Variants in ACOT11 observed in about 807,000 individuals in gnomAD.
ACOT11 encodes the protein acyl-CoA thioesterase 11.
In ACOT11, 69 loss-of-function variants were observed where a neutral mutation model predicts 77.5. The observed-to-expected ratio is 0.89, with a 90% confidence interval of 0.73 to 1.09. The LOEUF (loss-of-function observed/expected upper bound fraction) is 1.09. Among genes scored for constraint, ACOT11 ranks in the 50% least tolerant of loss-of-function variants. The pLI is 0.00. For missense variants in ACOT11, 766 were observed against 813.7 expected (o/e 0.94, Z 0.71); for synonymous variants, 279 against 313.0 (o/e 0.89, Z 1.15).
At chr1:54,612,647 G>A, downstream of ACOT11, 2 of 1,614,132 alleles carry the variant, frequency 1.2e-6, no homozygotes, top group Middle Eastern at 3.3e-4. Context: ...TGGACATGTA[G>A]AAGGTGGTCC....
At chr1:54,623,582 C>A in intron 15 of ACOT11, 1 of 580,836 alleles carries the variant, frequency 1.7e-6, no homozygotes, top group South Asian at 2.1e-5. Flanking sequence ...TCCCTCCCCG[C>A]CCCAATCCTC....
chr1:54,559,433 G>T (rs910975724), intron 1 of ACOT11, among the ~76,000 whole-genome samples: 1 of 152,208 alleles, frequency 6.6e-6, no homozygotes, highest in African/African-American at 2.4e-5. Flanking sequence ...TGACGAAAAG[G>T]GTGCTGCCTT....
intron 16 of ACOT11, among the ~76,000 whole-genome samples, chr1:54,632,060 G>C (rs1390675991): frequency 6.6e-6 from 1 of 152,154 alleles, no homozygotes; most frequent in Non-Finnish European, 1.5e-5. Flanking sequence ...AAAAAAGAAT[G>C]TAGAAAAAAT....
chr1:54,558,965 G>A (rs929980635), intron 1 of ACOT11, among the ~76,000 whole-genome samples: 5 of 152,264 alleles, frequency 3.3e-5, no homozygotes, highest in African/African-American at 1.2e-4. Context: ...CCCCTTCTTT[G>A]TATGGCCAGC....
intron 3 of ACOT11, among the ~76,000 whole-genome samples, chr1:54,586,732 C>CCTTTT (rs564509980): frequency 3.3e-5 from 5 of 152,116 alleles, no homozygotes; most frequent in Admixed American, 6.5e-5. Context: ...CCACACCTGG[C>CCTTTT]CTTTTCTTTT....
At chr1:54,620,287 C>T (rs1644217325) in intron 15 of ACOT11, among the ~76,000 whole-genome samples, 1 of 152,216 alleles carries the variant, frequency 6.6e-6, no homozygotes, top group Admixed American at 6.5e-5. Flanking sequence ...GTGTAAATTT[C>T]ACAGACAAGG....
At chr1:54,582,431 C>T (rs1654343109) in intron 1 of ACOT11, 1 of 985,242 alleles carries the variant, frequency 1.0e-6, no homozygotes, top group African/African-American at 1.7e-5. Flanking sequence ...CTATCTTTGC[C>T]CAGGGCCCCG....
chr1:54,615,458 G>A (rs1035053433), intron 15 of ACOT11, among the ~76,000 whole-genome samples: 5 of 152,142 alleles, frequency 3.3e-5, no homozygotes, highest in African/African-American at 9.7e-5. Context: ...CTTCAGGTGC[G>A]TGTGTGTGGT....
At position 54,609,213 on chromosome 1, in the gene ACOT11, C is replaced by T. The variant is rs113109924; in HGVS notation, c.*101C>T. On this transcript the variant is annotated 3_prime_UTR_variant, in exon 16 of 16. Transcript: ENST00000343744. ...AGCCAAAGACCTTTATTTCTTCCTG[C>T]CTCCCCGTGGGAAGCCTCCGCCCTG... 9 of 1,590,156 alleles carry T rather than the reference C, an allele frequency of 5.7e-6. No homozygotes were observed. In the African/African-American group the frequency reaches 1.1e-4, roughly 19 times the overall value.
At chr1:54,623,472 G>A (rs755113094) in intron 15 of ACOT11, 59 of 1,111,878 alleles carry the variant, frequency 5.3e-5, no homozygotes, top group Admixed American at 2.2e-4. Flanking sequence ...GGAATCCTGT[G>A]GGAGGCAGGA....
chr1:54,612,593 C>T, downstream of ACOT11: 1 of 1,614,134 alleles, frequency 6.2e-7, no homozygotes, highest in Non-Finnish European at 8.5e-7. Flanking sequence ...CCAGCTCGTG[C>T]ATCTTCTCCA....
intron 15 of ACOT11, among the ~76,000 whole-genome samples, chr1:54,617,902 C>G (rs976674066): frequency 6.6e-6 from 1 of 150,862 alleles, no homozygotes; most frequent in African/African-American, 2.4e-5. Flanking sequence ...AATTTTTGTA[C>G]TTTTAGTGGA....
At chr1:54,592,453 G>C in intron 3 of ACOT11, 93 bp from the exon 4 acceptor site, 1 of 1,236,666 alleles carries the variant, frequency 8.1e-7, no homozygotes, top group Non-Finnish European at 1.1e-6. Flanking sequence ...TATCCTGCCA[G>C]CTCCCCGCAA....
intron 3 of ACOT11, among the ~76,000 whole-genome samples, chr1:54,589,261 C>T (rs917095153): frequency 2.0e-5 from 3 of 149,722 alleles, no homozygotes; most frequent in African/African-American, 4.9e-5. Flanking sequence ...AGGTGATCTG[C>T]TTACCTTGGC....
intron 6 of ACOT11, among the ~76,000 whole-genome samples, chr1:54,596,014 C>A (rs11805592): frequency 6.6e-6 from 1 of 152,162 alleles, no homozygotes; most frequent in Non-Finnish European, 1.5e-5. Context: ...CTACAGTCAT[C>A]AAGGCCCCTT....
chr1:54,617,522 CTT>C (rs1569794804), intron 15 of ACOT11, among the ~76,000 whole-genome samples: 2 of 151,162 alleles, frequency 1.3e-5, no homozygotes, highest in Non-Finnish European at 2.9e-5. Context: ...AACCCAAACT[CTT>C]TATCATAGTC....
At chr1:54,549,117 C>G (rs1652975787) in intron 1 of ACOT11, among the ~76,000 whole-genome samples, 1 of 152,128 alleles carries the variant, frequency 6.6e-6, no homozygotes, top group Non-Finnish European at 1.5e-5. Flanking sequence ...ATCTGCACAG[C>G]CACTGCACAA....
rs1569775802 is a variant in ACOT11, at chr1:54,609,399, G to A, written c.*287G>A. The A allele has an allele frequency of 6.2e-7, 1 of 1,614,084 alleles. No homozygotes were observed. Among genetic ancestry groups the A allele is most frequent in the East Asian group, 2.2e-5 (1 of 44,884 alleles). On this transcript the variant is annotated 3_prime_UTR_variant, in exon 16 of 16. Transcript: ENST00000343744. ...ACAGAGGCATAGTCGCCCCCAGCTGGGTTGTGCTCCACTGTGACGGTGGCC... is the reference window on the plus strand; with the variant it reads ...ACAGAGGCATAGTCGCCCCCAGCTGAGTTGTGCTCCACTGTGACGGTGGCC...
intron 1 of ACOT11, among the ~76,000 whole-genome samples, chr1:54,557,068 G>A (rs1158894255): frequency 2.0e-5 from 3 of 151,920 alleles, no homozygotes; most frequent in Non-Finnish European, 4.4e-5. Flanking sequence ...ACCACACCTG[G>A]CAGATTTTTT....
Sources: gnomAD v4.1 joint callset for allele counts (sites outside exome capture counted in the v4.1 genomes callset) on GRCh38, gnomAD v4.1.1 for gene constraint, MANE v1.5 for transcripts, NCBI Gene and HGNC (gene_info 2026-07-23, HGNC 2026-07-21) for gene names.